Variants in ODF2 observed in about 807,000 individuals in gnomAD.
ODF2 encodes outer dense fiber protein 2.
In ODF2, 47 loss-of-function variants were observed where a neutral mutation model predicts 110.2. The observed-to-expected ratio is 0.43, with a 90% confidence interval of 0.34 to 0.54. ODF2 has a LOEUF of 0.54. Ranked by LOEUF, ODF2 falls within the 20% of genes least tolerant of loss-of-function variation. The pLI is 0.03. For missense variants in ODF2, 812 were observed against 1,054.5 expected (o/e 0.77, Z 3.19); for synonymous variants, 352 against 397.7 (o/e 0.89, Z 1.37).
chr9:128,498,425 G>T, exon 19 of ODF2: 4 of 1,595,780 alleles, frequency 2.5e-6, no homozygotes, highest in Non-Finnish European at 3.4e-6. Flanking sequence ...AACTGGAGGC[G>T]ACCAGTGCCC....
chr9:128,460,037 C>T (rs879486802), intron 3 of ODF2: 5 of 797,402 alleles, frequency 6.3e-6, no homozygotes, highest in Admixed American at 2.4e-5. Context: ...ATCTAGACAG[C>T]CTTCTCATCC....
chr9:128,488,072 A>C (rs761443920), intron 14 of ODF2, 47 bp downstream of exon 14: 1 of 1,609,734 alleles, frequency 6.2e-7, no homozygotes, highest in Non-Finnish European at 8.5e-7. Context: ...GGGCCCAGCG[A>C]GCTGATGAGG....
chr9:128,456,753 C>G (rs1834918935), intron 1 of ODF2: 1 of 960,846 alleles, frequency 1.0e-6, no homozygotes, highest in East Asian at 1.3e-4. Flanking sequence ...AGGGCCCTCG[C>G]CCGGCGGGGG....
intron 5 of ODF2, 85 bp from the exon 6 acceptor site, chr9:128,471,223 T>C (rs1326133338): frequency 2.9e-6 from 4 of 1,401,938 alleles, no homozygotes; most frequent in Non-Finnish European, 3.8e-6. Context: ...CGGGGCCTTA[T>C]TTTGGTCCAA....
intron 6 of ODF2, among the ~76,000 whole-genome samples, chr9:128,472,395 A>T (rs549852489): frequency 4.6e-5 from 7 of 152,054 alleles, no homozygotes; most frequent in Non-Finnish European, 8.8e-5. Context: ...TTTAGTAGAG[A>T]TGGGGTTTTA....
At chr9:128,483,885 G>GA (rs1167672845) in intron 10 of ODF2, 53 bp from the exon 11 acceptor site, 13 of 1,308,806 alleles carry the variant, frequency 9.9e-6, no homozygotes, top group Middle Eastern at 1.8e-4. Context: ...GACTCCGTAT[G>GA]AAAAAAACAA....
chr9:128,492,371 A>C, intron 14 of ODF2, 55 bp from the exon 15 acceptor site: 1 of 1,161,868 alleles, frequency 8.6e-7, no homozygotes, highest in Non-Finnish European at 1.3e-6. Flanking sequence ...TGAGGGTAGG[A>C]GGTCCACCTG....
rs372362883 is a variant in ODF2 at position 128,484,889 on chromosome 9, C to T, written c.1290+3C>T. ...TACACGTGCAACTCGCTGACAAGGTCGCAGGCCCGCGGTGCCCAGCTCCTC... is the reference window on the plus strand; with the variant it reads ...TACACGTGCAACTCGCTGACAAGGTTGCAGGCCCGCGGTGCCCAGCTCCTC... On this transcript the variant is annotated splice_donor_region_variant and intron_variant, in intron 12 of 20. Transcript: ENST00000604420. The T allele has an allele frequency of 9.3e-6, 15 of 1,612,200 alleles. No homozygotes were observed. Among genetic ancestry groups the T allele is most frequent in the Admixed American group, 6.7e-5 (4 of 59,708 alleles).
At chr9:128,487,573 G>C (rs1843617568) in intron 13 of ODF2, among the ~76,000 whole-genome samples, 1 of 152,032 alleles carries the variant, frequency 6.6e-6, no homozygotes, top group Non-Finnish European at 1.5e-5. Flanking sequence ...AGATCACGAG[G>C]TCAGGAGATC....
At position 128,474,964 on chromosome 9, in the gene ODF2, G is replaced by GA. The variant is rs200808818; in HGVS notation, c.843+1236dup. Among the ~76,000 whole-genome samples the GA allele has an allele frequency of 3.9e-3, 558 of 141,656 alleles. 1 individual carries two copies. The highest frequency in any genetic ancestry group is 0.022 in the Middle Eastern group (6 of 278). The allele number at this position is 141,656 out of a possible 152,430, so 92.9% of individuals were successfully genotyped here. ...GGGGAACAAGAGCAAGACTTTGTCT[G>GA]AAAAAAAAAAAAAGTTGTCTGAACT... On this transcript the variant is annotated intron_variant, in intron 8 of 20. Coordinates refer to ENST00000604420, the Ensembl canonical transcript of ODF2.
At chr9:128,483,632 C>A (rs1260473830) in intron 10 of ODF2, among the ~76,000 whole-genome samples, 1 of 151,150 alleles carries the variant, frequency 6.6e-6, no homozygotes, top group Non-Finnish European at 1.5e-5. Context: ...CGCCTGTAAT[C>A]CCAGCACTTT....
intron 18 of ODF2, among the ~76,000 whole-genome samples, chr9:128,497,154 T>G (rs985380663): frequency 6.6e-6 from 1 of 151,940 alleles, no homozygotes; most frequent in Admixed American, 6.6e-5. Context: ...TTAGCTGGTA[T>G]TATCCCAGTT....
intron 7 of ODF2, 197 bp downstream of exon 7, chr9:128,473,239 G>A (rs1840472091): frequency 2.0e-6 from 2 of 985,198 alleles, no homozygotes; most frequent in African/African-American, 3.5e-5. Context: ...CTGGTCACCA[G>A]GGCCTCTGAG....
At chr9:128,483,868 G>A (rs1218795158) in intron 10 of ODF2, 70 bp from the exon 11 acceptor site, 33 of 1,084,530 alleles carry the variant, frequency 3.0e-5, no homozygotes, top group East Asian at 1.9e-4. Context: ...CCTGGGAAAC[G>A]GAGCAAGACT....
chr9:128,471,416 A>T (rs1310747517), exon 6 of ODF2: 1 of 1,613,324 alleles, frequency 6.2e-7, no homozygotes, highest in Non-Finnish European at 8.5e-7. Context: ...GCACGAGAAC[A>T]CGGTGTTGAG....
At chr9:128,479,852 C>T (rs867955594) in intron 8 of ODF2, among the ~76,000 whole-genome samples, 8 of 152,118 alleles carry the variant, frequency 5.3e-5, no homozygotes, top group African/African-American at 1.7e-4. Context: ...ATGGGAATGG[C>T]TGCTTAATGG....
At chr9:128,487,398 T>C (rs1843579508) in intron 13 of ODF2, among the ~76,000 whole-genome samples, 1 of 151,878 alleles carries the variant, frequency 6.6e-6, no homozygotes, top group Non-Finnish European at 1.5e-5. Flanking sequence ...GGCAGCAGAG[T>C]TGCTTCTCAG....
At chr9:128,457,309 C>A (rs1029417778) in exon 2 of ODF2, 1 of 1,608,840 alleles carries the variant, frequency 6.2e-7, no homozygotes, top group Non-Finnish European at 8.5e-7. Flanking sequence ...TGATGCCGGG[C>A]CCCTTGAGAG....
chr9:128,498,099 A>T, intron 18 of ODF2: 1 of 201,956 alleles, frequency 5.0e-6, no homozygotes, highest in Admixed American at 6.0e-5. Flanking sequence ...TCATTTCTGA[A>T]GTGGGGATAA....
Sources: gnomAD v4.1 joint callset for allele counts (sites outside exome capture counted in the v4.1 genomes callset) on GRCh38, gnomAD v4.1.1 for gene constraint, MANE v1.5 for transcripts, NCBI Gene and HGNC (gene_info 2026-07-23, HGNC 2026-07-21) for gene names.